PDE5A: variants seen among roughly 807,000 people sequenced by gnomAD.
The protein encoded by PDE5A is phosphodiesterase 5A.
In PDE5A, 67 loss-of-function variants were observed where a neutral mutation model predicts 110.2. The observed-to-expected ratio is 0.61, with a 90% CI of 0.50 to 0.75. PDE5A has a LOEUF of 0.75. Among genes scored for constraint, PDE5A ranks in the 30% least tolerant of loss-of-function variants. The pLI is 0.00. For missense variants in PDE5A, 862 were observed against 1,045.1 expected (o/e 0.82, Z 2.42); for synonymous variants, 328 against 351.2 (o/e 0.93, Z 0.74).
At chr4:119,576,627 C>A (rs1728360381) in intron 3 of PDE5A, among the ~76,000 whole-genome samples, 1 of 152,134 alleles carries the variant, frequency 6.6e-6, no homozygotes, top group Non-Finnish European at 1.5e-5. Context: ...TAAAGATGTT[C>A]TTTGAAACCA....
chr4:119,588,074 C>G (rs1038266511), intron 3 of PDE5A, among the ~76,000 whole-genome samples: 12 of 152,050 alleles, frequency 7.9e-5, no homozygotes, highest in Non-Finnish European at 1.3e-4. Flanking sequence ...TTCCTTCGAA[C>G]TTGTGTGTTG....
intron 3 of PDE5A, among the ~76,000 whole-genome samples, chr4:119,589,881 G>A (rs190879393): frequency 1.6e-3 from 243 of 152,232 alleles, no homozygotes; most frequent in African/African-American, 5.5e-3. Flanking sequence ...TCTCCTTGTT[G>A]CCACCTCAAG....
rs1207560691 is a variant in PDE5A, at chr4:119,542,456, C to T, written c.1572+3G>A. ...GTGTGAGAGGTCCCTAAACTTCACC[C>T]ACCTCCAATGTGACCATTTGCTTGG... On this transcript the variant is annotated splice_donor_region_variant and intron_variant, in intron 10 of 20. Coordinates refer to ENST00000354960, the MANE Select transcript of PDE5A (RefSeq NM_001083.4). 1.4e-5 allele frequency: 23 copies of T among 1,612,664 alleles called. No homozygotes were observed. The highest frequency in any genetic ancestry group is 2.0e-5 in the Non-Finnish European group (23 of 1,179,038).
rs1725395114 is a variant in PDE5A, at chr4:119,502,658, GAAAT to G, written c.2332-7_2332-4del. ...TCAGTTGCTACAAGTTCTGCTATCT[GAAAT>G]AAATAACAGACTCAGTTTTGACAAT... On this transcript the variant is annotated splice_region_variant and splice_polypyrimidine_tract_variant and intron_variant, in intron 18 of 20. Transcript: ENST00000354960. 4 of 1,580,386 alleles carry G rather than the reference GAAAT, an allele frequency of 2.5e-6. No individual in the cohort carries two copies. The highest frequency in any genetic ancestry group is 1.1e-5 in the South Asian group (1 of 89,396).
chr4:119,572,681 A>C (rs1728183379), intron 3 of PDE5A, among the ~76,000 whole-genome samples: 1 of 152,210 alleles, frequency 6.6e-6, no homozygotes, highest in African/African-American at 2.4e-5. Context: ...GTTAAAACAC[A>C]GTTTCGTGGG....
chr4:119,537,106 T>C (rs1197750453), intron 11 of PDE5A, among the ~76,000 whole-genome samples: 1 of 152,154 alleles, frequency 6.6e-6, no homozygotes, highest in Non-Finnish European at 1.5e-5. Context: ...TCTTGCATTG[T>C]TATTCTCACA....
At chr4:119,583,415 C>G (rs949862758) in intron 3 of PDE5A, among the ~76,000 whole-genome samples, 2 of 152,174 alleles carry the variant, frequency 1.3e-5, no homozygotes, top group Non-Finnish European at 2.9e-5. Context: ...TTGATCTATC[C>G]AGACCATTCA....
chr4:119,520,135 G>A (rs895505932), intron 13 of PDE5A, among the ~76,000 whole-genome samples: 2 of 152,062 alleles, frequency 1.3e-5, no homozygotes, highest in Non-Finnish European at 2.9e-5. Context: ...GTATTTAATT[G>A]CACCTCACTT....
rs199850375 is a variant in PDE5A at position 119,606,727 on chromosome 4, G to C, written c.723C>G (p.Asn241Lys). ...GHVAALGEPL[N>K]IKDAYEDPRF... is the part of the protein sequence containing the mutation. ...TGTTTACCTCATATGCATCTTTGAT[G>C]TTCAAGGGCTCACCAAGCGCTGCCA... The change falls in exon 2 of 21, where the codon AAC becomes AAG. Residue 241 changes from asparagine (N) to lysine (K), a missense_variant. Coordinates refer to ENST00000354960, the MANE Select transcript of PDE5A (RefSeq NM_001083.4). The C allele has an allele frequency of 8.7e-6, 14 of 1,613,642 alleles. No homozygotes were observed. The highest frequency in any genetic ancestry group is 1.2e-5 in the Non-Finnish European group (14 of 1,179,748).
At chr4:119,563,017 T>G (rs751645640) in intron 5 of PDE5A, 47 bp from the exon 6 acceptor site, 1 of 1,485,292 alleles carries the variant, frequency 6.7e-7, no homozygotes, top group Non-Finnish European at 9.0e-7. Flanking sequence ...TGATTGTAAT[T>G]ATTAAAGCAC....
intron 1 of PDE5A, among the ~76,000 whole-genome samples, chr4:119,616,138 T>A (rs1729936064): frequency 6.6e-6 from 1 of 152,134 alleles, no homozygotes; most frequent in African/African-American, 2.4e-5. Context: ...TTACAACACA[T>A]CCTGAGATAC....
chr4:119,612,443 A>G (rs1274159822), intron 1 of PDE5A, among the ~76,000 whole-genome samples: 7 of 152,168 alleles, frequency 4.6e-5, no homozygotes, highest in Non-Finnish European at 8.8e-5. Flanking sequence ...CTTTCTCACC[A>G]TATGATATGC....
At chr4:119,626,796 G>A (rs1004232220) in intron 1 of PDE5A, among the ~76,000 whole-genome samples, 1 of 152,194 alleles carries the variant, frequency 6.6e-6, no homozygotes, top group Non-Finnish European at 1.5e-5. Context: ...GAAAGCGGGG[G>A]AAGACGATTT....
intron 3 of PDE5A, among the ~76,000 whole-genome samples, chr4:119,580,206 C>A (rs201834654): frequency 0.014 from 2,124 of 152,190 alleles, 31 homozygotes; most frequent in Non-Finnish European, 0.025. Context: ...AAAAAAAAAT[C>A]CCCCTCCTGC....
chr4:119,522,397 G>A (rs905429052), intron 12 of PDE5A, among the ~76,000 whole-genome samples: 5 of 152,048 alleles, frequency 3.3e-5, no homozygotes, highest in African/African-American at 7.2e-5. Flanking sequence ...ATCTTACTGA[G>A]AGACTTTTAA....
At chr4:119,578,832 A>G (rs1026352305) in intron 3 of PDE5A, among the ~76,000 whole-genome samples, 101 of 152,192 alleles carry the variant, frequency 6.6e-4, no homozygotes, top group Non-Finnish European at 1.3e-3. Context: ...GCCAAAATTG[A>G]CAAATGGGAT....
At chr4:119,538,393 A>G (rs142105958) in intron 11 of PDE5A, among the ~76,000 whole-genome samples, 2 of 152,180 alleles carry the variant, frequency 1.3e-5, no homozygotes, top group Non-Finnish European at 1.5e-5. Flanking sequence ...GTAAAGTGTT[A>G]AAGTGCCTCA....
intron 3 of PDE5A, among the ~76,000 whole-genome samples, chr4:119,596,179 T>C (rs1729144349): frequency 6.6e-6 from 1 of 152,172 alleles, no homozygotes; most frequent in South Asian, 2.1e-4. Context: ...TGAGCATTTA[T>C]GAATACTACT....
intron 7 of PDE5A, among the ~76,000 whole-genome samples, chr4:119,558,936 G>C (rs1281708152): frequency 1.1e-5 from 1 of 87,978 alleles, no homozygotes; most frequent in Non-Finnish European, 2.4e-5. Flanking sequence ...AAAAAAAAAA[G>C]CTAACTTTAA....
Sources: gnomAD v4.1 joint callset for allele counts (sites outside exome capture counted in the v4.1 genomes callset) on GRCh38, gnomAD v4.1.1 for gene constraint, MANE v1.5 for transcripts, NCBI Gene and HGNC (gene_info 2026-07-23, HGNC 2026-07-21) for gene names.